CSMD3: variants seen among roughly 807,000 people sequenced by gnomAD.
CSMD3 encodes CUB and sushi domain-containing protein 3.
Under a neutral mutation model 435.2 loss-of-function variants are expected in CSMD3, and 177 were observed. That is an observed-to-expected ratio of 0.41 (90% CI 0.36 to 0.46). CSMD3 has a LOEUF of 0.46. CSMD3 is among the 20% of genes least tolerant of loss of function. CSMD3 has a pLI of 0.34. For synonymous variants in CSMD3, 1,656 were observed against 1,520.5 expected, an observed-to-expected ratio of 1.09 and a Z score of -2.07; for missense variants, 4,265 against 4,504.6, an observed-to-expected ratio of 0.95 and a Z score of 1.52.
intron 22 of CSMD3, among the ~76,000 whole-genome samples, chr8:112,590,120 G>GA (rs570114342): frequency 5.7e-4 from 87 of 152,154 alleles, no homozygotes; most frequent in Admixed American, 3.3e-3. Context: ...CTCTGATTTG[G>GA]AAAAAATAAA....
intron 3 of CSMD3, among the ~76,000 whole-genome samples, chr8:113,236,740 C>A (rs930212775): frequency 6.6e-6 from 1 of 152,082 alleles, no homozygotes; most frequent in Non-Finnish European, 1.5e-5. Flanking sequence ...TTGCAGACAG[C>A]CTGTTGTGGG....
intron 38 of CSMD3, among the ~76,000 whole-genome samples, chr8:112,364,537 G>A (rs911089929): frequency 6.6e-6 from 1 of 151,948 alleles, no homozygotes; most frequent in African/African-American, 2.4e-5. Context: ...GTCCCTCTAG[G>A]ATTTGCCATT....
At chr8:112,838,855 C>G (rs1344230218) in intron 11 of CSMD3, among the ~76,000 whole-genome samples, 1 of 151,518 alleles carries the variant, frequency 6.6e-6, no homozygotes, top group African/African-American at 2.4e-5. Context: ...AATAAATATA[C>G]AAAGGTAAAC....
intron 13 of CSMD3, among the ~76,000 whole-genome samples, chr8:112,724,327 A>T (rs1424053094): frequency 6.6e-6 from 1 of 152,046 alleles, no homozygotes; most frequent in East Asian, 1.9e-4. Context: ...TTATTGCCTT[A>T]ATCCTGGTGC....
intron 16 of CSMD3, among the ~76,000 whole-genome samples, chr8:112,681,599 C>T (rs2075896511): frequency 6.6e-6 from 1 of 152,068 alleles, no homozygotes; most frequent in African/African-American, 2.4e-5. Context: ...AGAGCAGTGG[C>T]TCATGCCTGT....
rs184734535 is a variant in CSMD3 at position 112,792,372 on chromosome 8, C to T, written c.1972+7790G>A. Among the ~76,000 whole-genome samples, 21 of 152,138 alleles carry T rather than the reference C, an allele frequency of 1.4e-4. No individual in the cohort carries two copies. In the East Asian group the frequency reaches 1.9e-3, roughly 14 times the overall value. On this transcript the variant is annotated intron_variant, in intron 13 of 70. Transcript: ENST00000297405. ...CTCTTTTTCTGGCTTGCAGATGGTT[C>T]GTTTCTAGCTGTATCCACACATGGT... is the stretch of plus-strand genomic sequence containing the variant.
intron 17 of CSMD3, among the ~76,000 whole-genome samples, chr8:112,657,812 C>T (rs2075291666): frequency 6.6e-6 from 1 of 152,170 alleles, no homozygotes; most frequent in Non-Finnish European, 1.5e-5. Flanking sequence ...CTCTTCTGTC[C>T]TCACATTGTA....
chr8:113,129,508 T>C (rs991541840), intron 4 of CSMD3, among the ~76,000 whole-genome samples: 1 of 152,124 alleles, frequency 6.6e-6, no homozygotes, highest in Non-Finnish European at 1.5e-5. Context: ...AGATGGAAAT[T>C]TGTCATGCAA....
chr8:112,510,255 T>C (rs903532653), intron 28 of CSMD3, among the ~76,000 whole-genome samples: 5 of 152,212 alleles, frequency 3.3e-5, no homozygotes, highest in Non-Finnish European at 5.9e-5. Flanking sequence ...GTACTATGTA[T>C]ATGCATAAAA....
intron 6 of CSMD3, among the ~76,000 whole-genome samples, chr8:112,998,787 C>G (rs1337426343): frequency 6.6e-6 from 1 of 151,860 alleles, no homozygotes; most frequent in Non-Finnish European, 1.5e-5. Context: ...CCCTTTGGTG[C>G]TGTTTTGGTG....
At chr8:113,238,028 T>A (rs993354009) in intron 3 of CSMD3, among the ~76,000 whole-genome samples, 7 of 136,012 alleles carry the variant, frequency 5.1e-5, no homozygotes, top group African/African-American at 2.0e-4. Flanking sequence ...TGAGCAGATA[T>A]CACACCATTG....
At chr8:113,425,739 A>T (rs903214241) in intron 1 of CSMD3, among the ~76,000 whole-genome samples, 1 of 151,548 alleles carries the variant, frequency 6.6e-6, no homozygotes, top group African/African-American at 2.4e-5. Flanking sequence ...AAGTTTTTTA[A>T]AAGGCTGTAA....
intron 16 of CSMD3, among the ~76,000 whole-genome samples, chr8:112,678,171 C>T (rs1286189088): frequency 6.6e-6 from 1 of 152,084 alleles, no homozygotes; most frequent in Admixed American, 6.6e-5. Context: ...GATTATGATT[C>T]CTGATCTGTG....
intron 31 of CSMD3, among the ~76,000 whole-genome samples, chr8:112,478,561 T>G (rs1819302154): frequency 6.6e-6 from 1 of 152,052 alleles, no homozygotes; most frequent in Admixed American, 6.5e-5. Flanking sequence ...AAACTTAAAG[T>G]TAAGAGTGAT....
At chr8:113,138,423 A>G (rs552277884) in intron 4 of CSMD3, among the ~76,000 whole-genome samples, 14 of 151,486 alleles carry the variant, frequency 9.2e-5, no homozygotes, top group Non-Finnish European at 1.3e-4. Context: ...TTTTGCTGCC[A>G]TTTTAAATTG....
chr8:113,033,708 G>A (rs534004656), intron 5 of CSMD3, among the ~76,000 whole-genome samples: 1 of 151,348 alleles, frequency 6.6e-6, no homozygotes, highest in South Asian at 2.1e-4. Flanking sequence ...TAAGACTTTG[G>A]GGAACTGTTA....
chr8:113,359,451 G>A (rs934762249), intron 1 of CSMD3, among the ~76,000 whole-genome samples: 1 of 152,196 alleles, frequency 6.6e-6, no homozygotes, highest in East Asian at 1.9e-4. Flanking sequence ...GTCTGCTGAG[G>A]AAACAGAGCG....
chr8:113,010,179 T>C (rs1007331045), intron 6 of CSMD3, among the ~76,000 whole-genome samples: 9 of 151,626 alleles, frequency 5.9e-5, no homozygotes, highest in African/African-American at 9.7e-5. Flanking sequence ...AGTAGATCCC[T>C]ACAAAATTTT....
intron 3 of CSMD3, among the ~76,000 whole-genome samples, chr8:113,256,497 G>A (rs143167080): frequency 1.3e-5 from 2 of 152,256 alleles, no homozygotes; most frequent in East Asian, 3.9e-4. Flanking sequence ...TGCTCACTAG[G>A]AAAAGTTATA....
Sources: allele counts gnomAD v4.1 joint callset (sites outside exome capture counted in the v4.1 genomes callset), GRCh38; gene constraint gnomAD v4.1.1; transcripts MANE v1.5; gene names NCBI Gene and HGNC (gene_info 2026-07-23, HGNC 2026-07-21).